The following FLT1 variants were observed in gnomAD, a reference collection of about 807,000 sequenced individuals.
The protein encoded by FLT1 is fms related receptor tyrosine kinase 1.
Under a neutral mutation model 156.3 loss-of-function variants are expected in FLT1, and 49 were observed. The observed-to-expected ratio is 0.31, with a 90% CI of 0.25 to 0.40. The LOEUF (loss-of-function observed/expected upper bound fraction) is 0.40, where lower values mean the gene tolerates loss of function less well. FLT1 is among the 10% of genes least tolerant of loss of function. The pLI, the probability that FLT1 is intolerant of heterozygous loss-of-function variation, is 1.00. For synonymous variants in FLT1, 594 were observed against 583.8 expected (o/e 1.02, Z -0.25); for missense variants, 1,322 against 1,637.2 (o/e 0.81, Z 3.32).
At chr13:28,431,058 C>T in intron 7 of FLT1, 78 bp downstream of exon 7, 1 of 1,310,658 alleles carries the variant, frequency 7.6e-7, no homozygotes, top group Non-Finnish European at 1.1e-6. Flanking sequence ...CAACAGAAAA[C>T]TGACTTATTT....
At chr13:28,402,786 GTTAT>G (rs1028438715) in intron 11 of FLT1, among the ~76,000 whole-genome samples, 11 of 152,012 alleles carry the variant, frequency 7.2e-5, no homozygotes, top group African/African-American at 2.7e-4. Flanking sequence ...GTTACGTTAT[GTTAT>G]TTATTTATTT....
chr13:28,330,174 C>T (rs1391639450), intron 18 of FLT1, among the ~76,000 whole-genome samples: 1 of 152,218 alleles, frequency 6.6e-6, no homozygotes, highest in Non-Finnish European at 1.5e-5. Context: ...GGCAGAATGG[C>T]TACTGTTGTA....
intron 11 of FLT1, among the ~76,000 whole-genome samples, chr13:28,398,236 T>C (rs1875185263): frequency 6.6e-6 from 1 of 152,222 alleles, no homozygotes; most frequent in South Asian, 2.1e-4. Context: ...TAACTGGTTA[T>C]GGGCTTTGAA....
Position 28,390,042 on chromosome 13 carries a change from G to C in FLT1, c.1723C>G (p.Leu575Val). 1.2e-6 allele frequency: 2 copies of C among 1,614,184 alleles called. No homozygotes were observed. The highest frequency in any genetic ancestry group is 1.7e-6 in the Non-Finnish European group (2 of 1,180,028). The change falls in exon 13 of 30, where the codon CTG becomes GTG. Residue 575 changes from leucine to valine, a missense_variant. Leu to Val is a conservative substitution (Grantham distance 32). Coordinates refer to ENST00000282397, the MANE Select transcript of FLT1 (RefSeq NM_002019.4). ...KMPTEGEDLK[L>V]SCTVNKFLYR... ...AAGAACTTGTTAACTGTGCAAGACA[G>C]TTTCAGGTCCTCTCCTTCCGTCGGC...
At position 28,467,078 on chromosome 13, in the gene FLT1, G is replaced by A. The variant is rs907415376; in HGVS notation, c.213C>T (p.Ser71=). 17 of 1,613,924 alleles carry A rather than the reference G, an allele frequency of 1.1e-5. 1 individual carries two copies. The highest frequency in any genetic ancestry group is 1.6e-4 in the Middle Eastern group (1 of 6,082). ...CAGATTTAGTTATGCTCAGCCTTTCGCTTTCCTTACTCACCATTTCAGGCA... is the reference window on the plus strand; with the variant it reads ...CAGATTTAGTTATGCTCAGCCTTTCACTTTCCTTACTCACCATTTCAGGCA... ...WSLPEMVSKE[S]ERLSITKSAC... The change falls in exon 3 of 30, where the codon AGC becomes AGT. Residue 71 remains serine, a synonymous_variant. Coordinates refer to ENST00000282397, the MANE Select transcript of FLT1 (RefSeq NM_002019.4).
chr13:28,426,084 T>C (rs1466136254), intron 10 of FLT1, among the ~76,000 whole-genome samples: 3 of 152,034 alleles, frequency 2.0e-5, no homozygotes, highest in Non-Finnish European at 4.4e-5. Flanking sequence ...TAGCCACTTC[T>C]ATCTGTTTAT....
chr13:28,331,840 A>G (rs1320732553), intron 18 of FLT1, among the ~76,000 whole-genome samples: 1 of 150,220 alleles, frequency 6.7e-6, no homozygotes, highest in Non-Finnish European at 1.5e-5. Flanking sequence ...GTCTTTTACA[A>G]TCAATGCTGA....
chr13:28,394,758 C>A (rs973946748), intron 12 of FLT1, among the ~76,000 whole-genome samples: 1 of 152,144 alleles, frequency 6.6e-6, no homozygotes, highest in South Asian at 2.1e-4. Flanking sequence ...AGTGAGCATG[C>A]CTACCGACAG....
At chr13:28,342,953 TC>T (rs1183231788) in intron 16 of FLT1, among the ~76,000 whole-genome samples, 1 of 145,862 alleles carries the variant, frequency 6.9e-6, no homozygotes, top group Non-Finnish European at 1.5e-5. Flanking sequence ...TCTTTCTCTC[TC>T]TCTCTCTCTC....
intron 16 of FLT1, among the ~76,000 whole-genome samples, chr13:28,340,772 A>T (rs1396855488): frequency 1.3e-5 from 2 of 152,178 alleles, no homozygotes; most frequent in African/African-American, 4.8e-5. Context: ...CACAAAAATT[A>T]TCACTAAAAT....
At chr13:28,361,004 C>T (rs1014652833) in intron 14 of FLT1, among the ~76,000 whole-genome samples, 6 of 152,050 alleles carry the variant, frequency 3.9e-5, no homozygotes, top group Admixed American at 3.3e-4. Context: ...AAAGGCCGGG[C>T]ACGGTGGCTC....
At chr13:28,391,375 T>C (rs1356353125) in intron 12 of FLT1, among the ~76,000 whole-genome samples, 1 of 152,212 alleles carries the variant, frequency 6.6e-6, no homozygotes, top group Non-Finnish European at 1.5e-5. Flanking sequence ...AAGTCATCCC[T>C]CTGCTCTCTG....
At chr13:28,335,917 G>A (rs923508538) in intron 17 of FLT1, among the ~76,000 whole-genome samples, 2 of 152,178 alleles carry the variant, frequency 1.3e-5, no homozygotes, top group African/African-American at 4.8e-5. Flanking sequence ...GAACAGCGCT[G>A]GCAGATGCCT....
In FLT1 at chr13:28,439,108, C is replaced by A. The variant is rs1253479032; in HGVS notation, c.389-763G>T. The stretch of plus-strand genomic sequence containing the variant: ...CGTGGCATTTGGCCAGTCTCAGAGG[C>A]AAGGAGGATTCAAACACCTGTTCAG... On this transcript the variant is annotated intron_variant, in intron 3 of 29. Coordinates refer to ENST00000282397, the MANE Select transcript of FLT1 (RefSeq NM_002019.4). This position sits in a 1 kb window ranked among gnomAD's most constrained non-coding sequence, Gnocchi z 4.1. 2.0e-5 allele frequency among the ~76,000 whole-genome samples: 3 copies of A among 152,190 alleles called. No individual in the cohort carries two copies. The highest frequency in any genetic ancestry group is 4.4e-5 in the Non-Finnish European group (3 of 68,032).
chr13:28,386,490 C>G, intron 13 of FLT1: 1 of 1,048,620 alleles, frequency 9.5e-7, no homozygotes, highest in Non-Finnish European at 1.2e-6. Context: ...AGGAAGTGCT[C>G]TGATGTACAA....
chr13:28,457,984 G>A (rs1879360936), intron 3 of FLT1, among the ~76,000 whole-genome samples: 1 of 141,500 alleles, frequency 7.1e-6, no homozygotes, highest in African/African-American at 2.7e-5. Flanking sequence ...GCCCAGGCTG[G>A]AGTGCAGTGG....
chr13:28,414,265 A>G (rs571005508), intron 10 of FLT1, among the ~76,000 whole-genome samples: 23 of 152,342 alleles, frequency 1.5e-4, no homozygotes, highest in Non-Finnish European at 2.8e-4. Context: ...TGACAACTGG[A>G]AAGTAAAGCC....
chr13:28,444,314 G>A (rs867788638), intron 3 of FLT1, among the ~76,000 whole-genome samples: 1 of 152,064 alleles, frequency 6.6e-6, no homozygotes, highest in Non-Finnish European at 1.5e-5. Flanking sequence ...GGTGATGCAC[G>A]CCTGAAGTCT....
At chr13:28,472,975 A>G (rs970588553) in intron 1 of FLT1, among the ~76,000 whole-genome samples, 1 of 152,248 alleles carries the variant, frequency 6.6e-6, no homozygotes, top group Admixed American at 6.5e-5. Context: ...GAAGATATAT[A>G]AATGACCAAT....
Sources: gnomAD v4.1 joint callset for allele counts (sites outside exome capture counted in the v4.1 genomes callset) on GRCh38, gnomAD v4.1.1 for gene constraint, Gnocchi (gnomAD v3.1) non-coding constraint, MANE v1.5 for transcripts, NCBI Gene and HGNC (gene_info 2026-07-23, HGNC 2026-07-21) for gene names.